The following SYNJ2 variants were observed in gnomAD, a reference collection of about 807,000 sequenced individuals.
SYNJ2 encodes the protein synaptojanin 2.
SYNJ2 carries 116 observed loss-of-function variants against 141.3 expected under a neutral mutation model. The observed-to-expected ratio is 0.82, with a 90% confidence interval of 0.71 to 0.96. SYNJ2 has a LOEUF of 0.96. Ranked by LOEUF, SYNJ2 falls within the 40% of genes least tolerant of loss-of-function variation. The pLI, the probability that SYNJ2 is intolerant of heterozygous loss-of-function variation, is 0.00. For synonymous variants in SYNJ2, 745 were observed against 777.7 expected, an observed-to-expected ratio of 0.96 and a Z score of 0.70; for missense variants, 1,873 against 1,934.8, an observed-to-expected ratio of 0.97 and a Z score of 0.60.
rs758315979 is a variant in SYNJ2, at chr6:158,088,739, G to A, written c.3423G>A (p.Thr1141=). The change falls in exon 24 of 27, where the codon ACG becomes ACA. Residue 1141 remains threonine, a synonymous_variant. Transcript: ENST00000355585. ...ATGGACAGTATTCAATTTTGCAGACGGCAAGACTTCTACCAGGAGCACCTC... is the reference window on the plus strand; with the variant it reads ...ATGGACAGTATTCAATTTTGCAGACAGCAAGACTTCTACCAGGAGCACCTC... ...GTHGQYSILQ[T]ARLLPGAPQQ... 11 of 1,613,810 alleles carry A rather than the reference G, an allele frequency of 6.8e-6. No individual in the cohort carries two copies. Among genetic ancestry groups the A allele is most frequent in the East Asian group, 6.7e-5 (3 of 44,898 alleles).
Position 158,043,623 on chromosome 6 carries a change from T to C in SYNJ2, c.795+224T>C, listed in dbSNP as rs1278348932. On this transcript the variant is annotated intron_variant, in intron 5 of 26. Transcript: ENST00000355585. This position sits in a 1 kb window ranked among gnomAD's most constrained non-coding sequence, Gnocchi z 4.0. ...AACACAGACACCACTTTGTTGTTTC[T>C]GGTCGTCAAGGATGCTGTGTGAAAC... Among the ~76,000 whole-genome samples the C allele has an allele frequency of 6.6e-6, 1 of 152,240 alleles. No homozygotes were observed. Among genetic ancestry groups the C allele is most frequent in the Non-Finnish European group, 1.5e-5 (1 of 68,042 alleles).
chr6:158,059,536 C>A (rs148155727), intron 7 of SYNJ2, 183 bp downstream of exon 7: 2 of 1,373,246 alleles, frequency 1.5e-6, no homozygotes, highest in Admixed American at 6.3e-5. Flanking sequence ...GGCCCTGATA[C>A]AGTGAGTGTA....
intron 2 of SYNJ2, among the ~76,000 whole-genome samples, chr6:158,023,868 T>C (rs1292056617): frequency 1.3e-5 from 2 of 152,222 alleles, no homozygotes; most frequent in Non-Finnish European, 2.9e-5. Context: ...GCTGACACAT[T>C]AGTAACCATT....
rs1002952975 is a variant in SYNJ2, at chr6:158,065,002, C to A, written c.1525+11C>A. The A allele has an allele frequency of 6.5e-7, 1 of 1,541,964 alleles. No homozygotes were observed. The highest frequency in any genetic ancestry group is 1.2e-5 in the South Asian group (1 of 82,724). The stretch of plus-strand genomic sequence containing the variant: ...GCACGGCGCTCCTGGGTAGGGCCTG[C>A]CGCAGACAGGGCGAGGCAGGGAGGT... On this transcript the variant is annotated intron_variant, in intron 11 of 26. Transcript: ENST00000355585.
At position 158,097,018 on chromosome 6, in the gene SYNJ2, G is replaced by C. The variant is rs1205291004; in HGVS notation, c.*654G>C. 1 of 152,726 alleles carries C rather than the reference G, an allele frequency of 6.5e-6. No individual in the cohort carries two copies. The highest frequency in any genetic ancestry group is 1.5e-5 in the Non-Finnish European group (1 of 68,114). 9.5% of individuals were successfully genotyped at this position (152,726 alleles called of 1,614,324 possible). On this transcript the variant is annotated 3_prime_UTR_variant, in exon 27 of 27. Coordinates refer to ENST00000355585, the MANE Select transcript of SYNJ2 (RefSeq NM_003898.4). The stretch of plus-strand genomic sequence containing the variant: ...GGCATACACCGTTAGCTTAACCTTA[G>C]CTTAAACTAGCTGAAGGCTCCTGTG...
chr6:158,095,391 G>A (rs1178623864), intron 26 of SYNJ2, among the ~76,000 whole-genome samples: 1 of 152,060 alleles, frequency 6.6e-6, no homozygotes, highest in Non-Finnish European at 1.5e-5. Flanking sequence ...TTTTCCACTC[G>A]TTTTCATTGG....
chr6:157,983,596 GATTTT>G (rs374956085), intron 1 of SYNJ2, among the ~76,000 whole-genome samples: 229 of 152,280 alleles, frequency 1.5e-3, no homozygotes, highest in African/African-American at 5.4e-3. Flanking sequence ...AGAAAAAAGA[GATTTT>G]ATTTTTTCAA....
At chr6:158,011,698 C>G (rs1778276879) in intron 1 of SYNJ2, among the ~76,000 whole-genome samples, 1 of 152,192 alleles carries the variant, frequency 6.6e-6, no homozygotes, top group Non-Finnish European at 1.5e-5. Context: ...CTCCCAGGGT[C>G]ATCTTCCCAC....
chr6:158,092,900 T>C, intron 25 of SYNJ2, 26 bp from the exon 26 acceptor site: 2 of 1,566,934 alleles, frequency 1.3e-6, no homozygotes, highest in East Asian at 2.3e-5. Flanking sequence ...TCCTTTACAC[T>C]TCAGCCATGT....
At chr6:158,042,863 A>G (rs1562350947) in intron 4 of SYNJ2, among the ~76,000 whole-genome samples, 2 of 152,214 alleles carry the variant, frequency 1.3e-5, no homozygotes, top group Non-Finnish European at 2.9e-5. Context: ...TCTTTTGGCT[A>G]TCACTGGTGC....
intron 2 of SYNJ2, chr6:158,026,859 G>A (rs1305871667): frequency 1.0e-6 from 1 of 985,284 alleles, no homozygotes; most frequent in African/African-American, 1.7e-5. Flanking sequence ...AGCGCTCTGT[G>A]GCCAAGGCTC....
In SYNJ2 at chr6:158,076,765, A is replaced by G; in HGVS notation, c.2432A>G (p.His811Arg). ...AGGGTGCTGTGGTGGAGGAAGAAAC[A>G]TCCCTTTGATAAAACAGGTGAGGGG... is the stretch of plus-strand genomic sequence containing the variant. ...TDRVLWWRKK[H>R]PFDKTAGELN... The change falls in exon 17 of 27, where the codon CAT becomes CGT. Residue 811 changes from histidine to arginine, a missense_variant. Physicochemically the swap from His to Arg is conservative, Grantham distance 29. Transcript: ENST00000355585. 6.2e-7 allele frequency: 1 copy of G among 1,612,206 alleles called. No individual in the cohort carries two copies. The highest frequency in any genetic ancestry group is 2.2e-5 in the East Asian group (1 of 44,822).
chr6:157,997,875 A>G (rs939496178), intron 1 of SYNJ2, among the ~76,000 whole-genome samples: 1 of 152,218 alleles, frequency 6.6e-6, no homozygotes, highest in Non-Finnish European at 1.5e-5. Flanking sequence ...ACAAATCAAC[A>G]CAGTAGAGTG....
chr6:158,028,924 T>C lies in SYNJ2; in HGVS notation c.383T>C (p.Val128Ala), dbSNP rs760734882. 15 of 1,613,558 alleles carry C rather than the reference T, an allele frequency of 9.3e-6. No homozygotes were observed. The African/African-American group carries it at 1.9e-4, about 20-fold the overall frequency. The change falls in exon 3 of 27, where the codon GTG (valine) becomes GCG (alanine). Residue 128 changes from valine (V) to alanine (A), a missense_variant. By Grantham distance (64) the Val-to-Ala change is moderately conservative. Transcript: ENST00000355585. The part of the protein sequence containing the change: ...IALKKILSSG[V>A]FYFSWPNDGS... ...TTGAAGAAAATCCTCAGCTCGGGGG[T>C]GTTCTATTTCTCATGGCCAAACGAT...
At chr6:158,072,588 T>C (rs1782002777) in intron 15 of SYNJ2, among the ~76,000 whole-genome samples, 1 of 152,110 alleles carries the variant, frequency 6.6e-6, no homozygotes, top group Admixed American at 6.5e-5. Context: ...AAAACTGACG[T>C]CCCATTTTAC....
intron 1 of SYNJ2, among the ~76,000 whole-genome samples, chr6:157,989,893 C>A (rs575534271): frequency 6.8e-6 from 1 of 147,406 alleles, no homozygotes; most frequent in African/African-American, 2.5e-5. Flanking sequence ...GTCTTCCTGA[C>A]CCTGTGGGCT....
In SYNJ2 at chr6:158,096,538, G is replaced by T. The variant is rs985884172; in HGVS notation, c.*174G>T. 1.3e-5 allele frequency: 8 copies of T among 639,070 alleles called. No homozygotes were observed. Among genetic ancestry groups the T allele is most frequent in the Non-Finnish European group, 2.0e-5 (8 of 402,894 alleles). The allele number at this position is 639,070 out of a possible 1,614,324, so 39.6% of individuals were successfully genotyped here. On this transcript the variant is annotated 3_prime_UTR_variant, in exon 27 of 27. Coordinates refer to ENST00000355585, the MANE Select transcript of SYNJ2 (RefSeq NM_003898.4). ...TCTTATTCAGTAAGATGGTTACTCA[G>T]CCACCAAAATATATTTCACTCAAGG...
intron 1 of SYNJ2, among the ~76,000 whole-genome samples, chr6:158,009,308 C>A (rs571942624): frequency 6.6e-6 from 1 of 152,312 alleles, no homozygotes; most frequent in Middle Eastern, 3.4e-3. Flanking sequence ...CTCGGCAGTG[C>A]CCCCACCCCA....
Position 158,097,195 on chromosome 6 carries a change from G to A in SYNJ2, c.*831G>A, listed in dbSNP as rs1305018681. The stretch of plus-strand genomic sequence containing the variant: ...TATATTCCATGCATACCACATAAAA[G>A]CACACAGTGCGAAAACTCTTGCTGA... On this transcript the variant is annotated 3_prime_UTR_variant, in exon 27 of 27. Transcript: ENST00000355585. 1 of 152,160 alleles carries A rather than the reference G, an allele frequency of 6.6e-6. No individual in the cohort carries two copies. The highest frequency in any genetic ancestry group is 1.5e-5 in the Non-Finnish European group (1 of 68,032). 9.4% of individuals were successfully genotyped at this position (152,160 alleles called of 1,614,324 possible).
Sources: allele counts gnomAD v4.1 joint callset (sites outside exome capture counted in the v4.1 genomes callset), GRCh38; gene constraint gnomAD v4.1.1; non-coding constraint Gnocchi (gnomAD v3.1); transcripts MANE v1.5; gene names NCBI Gene and HGNC (gene_info 2026-07-23, HGNC 2026-07-21).